ZRANB3: variants seen among roughly 807,000 people sequenced by gnomAD.
The protein encoded by ZRANB3 is DNA annealing helicase and endonuclease ZRANB3.
ZRANB3 carries 125 observed loss-of-function variants against 133.8 expected under a neutral mutation model. The ratio of observed to expected loss-of-function variants is 0.93; its 90% CI spans 0.81 to 1.08. The LOEUF (loss-of-function observed/expected upper bound fraction) is 1.08, where lower values mean the gene tolerates loss of function less well. ZRANB3 is among the 50% of genes least tolerant of loss of function. ZRANB3 has a pLI of 0.00. For synonymous variants in ZRANB3, 387 were observed against 432.7 expected, an observed-to-expected ratio of 0.89 and a Z score of 1.31; for missense variants, 1,229 against 1,275.5, an observed-to-expected ratio of 0.96 and a Z score of 0.56.
At chr2:135,369,579 G>T (rs976431114) in intron 3 of ZRANB3, among the ~76,000 whole-genome samples, 4 of 151,256 alleles carry the variant, frequency 2.6e-5, no homozygotes, top group African/African-American at 7.3e-5. Context: ...TCTTACACTT[G>T]TTTTTTTAAA....
At position 135,219,091 on chromosome 2, in the gene ZRANB3, GTT is replaced by G. The variant is rs531232289; in HGVS notation, c.2336_2337del (p.Lys779ThrfsTer15). 2,519 of 1,514,922 alleles carry G rather than the reference GTT, an allele frequency of 1.7e-3. 8 individuals are homozygous for G. Among genetic ancestry groups the G allele is most frequent in the Middle Eastern group, 2.6e-3 (15 of 5,868 alleles). The allele number at this position is 1,514,922 out of a possible 1,614,324, so 93.8% of individuals were successfully genotyped here. ...ACTATTCTTACCAGTGAGCGATATT[GTT>G]TCAGCTGAAAGCTTGCTGGTAAATC... ...WEDLPASFQLKQYRSLILRFV... is the reference protein window; with the variant it reads ...WEDLPASFQLXQYRSLILRFV... On this transcript the variant is annotated frameshift_variant, in exon 16 of 21. Transcript: ENST00000264159. LOFTEE classifies it high-confidence loss of function.
At chr2:135,430,193 A>G (rs1461907680) in intron 2 of ZRANB3, among the ~76,000 whole-genome samples, 1 of 152,042 alleles carries the variant, frequency 6.6e-6, no homozygotes, top group East Asian at 1.9e-4. Context: ...AACAAAAACA[A>G]AAACAGAAAC....
intron 2 of ZRANB3, among the ~76,000 whole-genome samples, chr2:135,476,085 A>G (rs1010461965): frequency 6.6e-6 from 1 of 152,208 alleles, no homozygotes; most frequent in Middle Eastern, 3.2e-3. Context: ...CTCAAAAGAA[A>G]AAAAAGAAAA....
intron 2 of ZRANB3, among the ~76,000 whole-genome samples, chr2:135,438,505 C>T (rs1038566690): frequency 2.7e-5 from 2 of 74,886 alleles, no homozygotes; most frequent in Non-Finnish European, 6.4e-5. Flanking sequence ...AACCCCGTCT[C>T]AAAAAAAAAA....
At chr2:135,242,175 C>T (rs1398885760) in intron 12 of ZRANB3, among the ~76,000 whole-genome samples, 1 of 149,514 alleles carries the variant, frequency 6.7e-6, no homozygotes, top group Non-Finnish European at 1.5e-5. Context: ...GAGACTCTGT[C>T]TCCAAAAAAA....
At chr2:135,431,833 T>C (rs915758616) in intron 2 of ZRANB3, among the ~76,000 whole-genome samples, 2 of 152,176 alleles carry the variant, frequency 1.3e-5, no homozygotes, top group Non-Finnish European at 2.9e-5. Flanking sequence ...GCAAAGTCAC[T>C]AGAACCTCAT....
intron 8 of ZRANB3, among the ~76,000 whole-genome samples, chr2:135,284,219 G>A (rs541026107): frequency 4.6e-5 from 7 of 152,250 alleles, no homozygotes; most frequent in South Asian, 2.1e-4. Context: ...TACCTACACC[G>A]CATAGGGTTG....
At chr2:135,220,718 AT>A (rs985171548) in intron 15 of ZRANB3, among the ~76,000 whole-genome samples, 3 of 150,388 alleles carry the variant, frequency 2.0e-5, no homozygotes, top group African/African-American at 7.4e-5. Context: ...AAAAAAAAAA[AT>A]TGATATGTAA....
intron 6 of ZRANB3, among the ~76,000 whole-genome samples, chr2:135,318,707 T>A (rs1683376471): frequency 6.6e-6 from 1 of 152,180 alleles, no homozygotes; most frequent in Admixed American, 6.5e-5. Context: ...TGTTACCCCA[T>A]TTTGTTTTCA....
chr2:135,220,149 C>G (rs1255154338), intron 15 of ZRANB3, among the ~76,000 whole-genome samples: 1 of 152,062 alleles, frequency 6.6e-6, no homozygotes, highest in Non-Finnish European at 1.5e-5. Flanking sequence ...AAGTGATTCT[C>G]CCGCCTCCGC....
intron 8 of ZRANB3, among the ~76,000 whole-genome samples, chr2:135,294,735 G>T (rs1681949551): frequency 6.6e-6 from 1 of 152,000 alleles, no homozygotes; most frequent in Non-Finnish European, 1.5e-5. Flanking sequence ...TGGGCATTTA[G>T]TGCTATAAAT....
chr2:135,259,106 T>A (rs1197823053), intron 12 of ZRANB3, among the ~76,000 whole-genome samples: 6 of 151,198 alleles, frequency 4.0e-5, no homozygotes, highest in African/African-American at 1.5e-4. Context: ...GGTGCAATCA[T>A]CCTCCTGAGC....
chr2:135,406,317 G>A (rs1688025164), intron 2 of ZRANB3, among the ~76,000 whole-genome samples: 1 of 152,120 alleles, frequency 6.6e-6, no homozygotes, highest in Non-Finnish European at 1.5e-5. Flanking sequence ...CTCTGAAATT[G>A]AGGCAATAAT....
At position 135,296,307 on chromosome 2, in the gene ZRANB3, TC is replaced by T. The variant is rs1406260971; in HGVS notation, c.966+17181del. 3.3e-5 allele frequency among the ~76,000 whole-genome samples: 5 copies of T among 152,328 alleles called. No homozygotes were observed. The East Asian group carries it at 9.6e-4, about 29-fold the overall frequency. ...TATTCTTTTTTCTCTAAACTTTTCT[TC>T]TTGCTTCATTTCATTCATTTGATCT... On this transcript the variant is annotated intron_variant, in intron 8 of 20. Coordinates refer to ENST00000264159, the MANE Select transcript of ZRANB3 (RefSeq NM_032143.4).
chr2:135,453,250 A>T (rs1057418916), intron 2 of ZRANB3, among the ~76,000 whole-genome samples: 2 of 151,488 alleles, frequency 1.3e-5, no homozygotes, highest in African/African-American at 4.9e-5. Context: ...CCACAAAACC[A>T]TTTTTTCCTC....
At chr2:135,455,390 G>T (rs751280119) in intron 2 of ZRANB3, among the ~76,000 whole-genome samples, 1 of 151,094 alleles carries the variant, frequency 6.6e-6, no homozygotes, top group Non-Finnish European at 1.5e-5. Flanking sequence ...GTTTCGCCAC[G>T]TTGGCCAGGA....
At chr2:135,394,640 A>G (rs1416358012) in intron 2 of ZRANB3, among the ~76,000 whole-genome samples, 1 of 152,150 alleles carries the variant, frequency 6.6e-6, no homozygotes, top group African/African-American at 2.4e-5. Context: ...GTTGTTACCT[A>G]TACCTTACAT....
chr2:135,506,106 G>A (rs963341176), intron 1 of ZRANB3, among the ~76,000 whole-genome samples: 1 of 152,128 alleles, frequency 6.6e-6, no homozygotes, highest in African/African-American at 2.4e-5. Flanking sequence ...GAAGGCTAAG[G>A]TGGACCAGAC....
chr2:135,494,307 CAAAA>C (rs770757530), intron 2 of ZRANB3, among the ~76,000 whole-genome samples: 1 of 51,322 alleles, frequency 1.9e-5, no homozygotes, highest in Non-Finnish European at 4.0e-5. Context: ...GACTCCGTCT[CAAAA>C]AAAAAAAAAA....
Sources: allele counts gnomAD v4.1 joint callset (sites outside exome capture counted in the v4.1 genomes callset), GRCh38; gene constraint gnomAD v4.1.1; transcripts MANE v1.5; gene names NCBI Gene and HGNC (gene_info 2026-07-23, HGNC 2026-07-21).